CHCHD3: variants seen among roughly 807,000 people sequenced by gnomAD.
CHCHD3 encodes coiled-coil-helix-coiled-coil-helix domain containing 3.
A neutral mutation model predicts 38.2 loss-of-function variants in CHCHD3; 20 were observed. The observed-to-expected ratio is 0.52, with a 90% CI of 0.37 to 0.76. The LOEUF (loss-of-function observed/expected upper bound fraction) is 0.76, where lower values mean the gene tolerates loss of function less well. Among genes scored for constraint, CHCHD3 ranks in the 30% least tolerant of loss-of-function variants. The pLI is 0.00. For missense variants in CHCHD3, 245 were observed against 279.2 expected (o/e 0.88, Z 0.87); for synonymous variants, 82 against 100.0 (o/e 0.82, Z 1.07).
At chr7:132,898,024 T>C (rs1210161960) in intron 4 of CHCHD3, among the ~76,000 whole-genome samples, 3 of 152,056 alleles carry the variant, frequency 2.0e-5, no homozygotes, top group Non-Finnish European at 4.4e-5. Context: ...CGGTGAGTGT[T>C]ACAGCTCTTA....
intron 5 of CHCHD3, among the ~76,000 whole-genome samples, chr7:132,854,014 T>G (rs748887960): frequency 6.6e-6 from 1 of 152,220 alleles, no homozygotes; most frequent in Non-Finnish European, 1.5e-5. Flanking sequence ...TTACTTGCTT[T>G]CTTTCATTTC....
chr7:132,975,863 A>G (rs1811753160), intron 3 of CHCHD3, among the ~76,000 whole-genome samples: 2 of 151,114 alleles, frequency 1.3e-5, no homozygotes, highest in Non-Finnish European at 3.0e-5. Context: ...CCTGGGAGGT[A>G]GAGGACGCAG....
At chr7:132,932,590 C>T (rs555191864) in intron 4 of CHCHD3, among the ~76,000 whole-genome samples, 2 of 152,334 alleles carry the variant, frequency 1.3e-5, no homozygotes, top group East Asian at 3.9e-4. Flanking sequence ...AGTGAGGATT[C>T]ACAAGTTAAG....
At chr7:132,802,680 T>C (rs572009018) in intron 6 of CHCHD3, among the ~76,000 whole-genome samples, 1 of 152,152 alleles carries the variant, frequency 6.6e-6, no homozygotes, top group Non-Finnish European at 1.5e-5. Flanking sequence ...AAAAGGGAGA[T>C]AAAATTTTTA....
At chr7:133,027,012 A>C (rs1813359116) in intron 2 of CHCHD3, among the ~76,000 whole-genome samples, 1 of 151,048 alleles carries the variant, frequency 6.6e-6, no homozygotes, top group Non-Finnish European at 1.5e-5. Context: ...ATCTTGGCTC[A>C]CTGCAACCTC....
chr7:132,904,532 C>T (rs985565102), intron 4 of CHCHD3, among the ~76,000 whole-genome samples: 1 of 152,104 alleles, frequency 6.6e-6, no homozygotes, highest in African/African-American at 2.4e-5. Context: ...AAATCAATGC[C>T]ACAATGAGAT....
chr7:132,834,797 C>T (rs147336319), intron 6 of CHCHD3, among the ~76,000 whole-genome samples: 2 of 152,136 alleles, frequency 1.3e-5, no homozygotes, highest in East Asian at 3.9e-4. Flanking sequence ...CAGGAAAGCT[C>T]ACCTGAGCAG....
intron 5 of CHCHD3, among the ~76,000 whole-genome samples, chr7:132,877,323 C>T (rs1480997087): frequency 6.6e-6 from 1 of 152,090 alleles, no homozygotes; most frequent in Non-Finnish European, 1.5e-5. Context: ...GATAAGACCC[C>T]CATATCCTAC....
chr7:132,919,060 A>C (rs1810190831), intron 4 of CHCHD3, among the ~76,000 whole-genome samples: 1 of 146,002 alleles, frequency 6.8e-6, no homozygotes, highest in Non-Finnish European at 1.5e-5. Flanking sequence ...AATCATCATC[A>C]TCATTAATTT....
At chr7:133,039,667 C>T (rs1054842795) in intron 2 of CHCHD3, among the ~76,000 whole-genome samples, 1 of 152,230 alleles carries the variant, frequency 6.6e-6, no homozygotes, top group African/African-American at 2.4e-5. Flanking sequence ...AATTATAAAT[C>T]TCAAATAACA....
intron 4 of CHCHD3, among the ~76,000 whole-genome samples, chr7:132,959,205 C>T (rs921205940): frequency 1.3e-5 from 2 of 152,188 alleles, no homozygotes; most frequent in African/African-American, 2.4e-5. Context: ...AGCTCTAACT[C>T]CCAAATGAGG....
rs1810260048 is a variant in CHCHD3, at chr7:132,921,418, G to T, written c.370-35673C>A. Among the ~76,000 whole-genome samples, 3 of 152,080 alleles carry T rather than the reference G, an allele frequency of 2.0e-5. No individual in the cohort carries two copies. In the South Asian group the frequency reaches 6.2e-4, roughly 32 times the overall value. ...ATTCCAAGTACTGGGACAAGTTTCA[G>T]TATTCACCCCTTGAAACAGTTCTTT... On this transcript the variant is annotated intron_variant, in intron 4 of 7. Coordinates refer to ENST00000262570, the MANE Select transcript of CHCHD3 (RefSeq NM_017812.4).
chr7:132,792,004 T>C (rs1806473360), intron 7 of CHCHD3, among the ~76,000 whole-genome samples: 1 of 152,156 alleles, frequency 6.6e-6, no homozygotes, highest in Non-Finnish European at 1.5e-5. Flanking sequence ...GTGGCTACTG[T>C]CCCACTGCCT....
At chr7:133,027,387 AAGAG>A (rs1562941608) in intron 2 of CHCHD3, among the ~76,000 whole-genome samples, 4 of 59,366 alleles carry the variant, frequency 6.7e-5, no homozygotes, top group East Asian at 1.4e-3. Context: ...GAGAGAGAGA[AAGAG>A]AGAGAGAGGG....
chr7:132,990,751 G>A (rs1812256367), intron 3 of CHCHD3, among the ~76,000 whole-genome samples: 1 of 152,090 alleles, frequency 6.6e-6, no homozygotes, highest in African/African-American at 2.4e-5. Flanking sequence ...GAAACCTTAG[G>A]CCAGACAAAG....
At chr7:132,873,710 T>C (rs970765331) in intron 5 of CHCHD3, among the ~76,000 whole-genome samples, 1 of 152,120 alleles carries the variant, frequency 6.6e-6, no homozygotes, top group African/African-American at 2.4e-5. Flanking sequence ...GGATAATATA[T>C]GAAGTTGGGC....
At chr7:132,976,766 CTA>C (rs1811778105) in intron 3 of CHCHD3, among the ~76,000 whole-genome samples, 1 of 151,854 alleles carries the variant, frequency 6.6e-6, no homozygotes, top group Non-Finnish European at 1.5e-5. Flanking sequence ...TTGAAAAAAA[CTA>C]GAGATAAAAT....
At chr7:132,840,274 G>GT (rs1265874256) in intron 5 of CHCHD3, among the ~76,000 whole-genome samples, 3 of 152,128 alleles carry the variant, frequency 2.0e-5, no homozygotes, top group Non-Finnish European at 4.4e-5. Context: ...AACAAAGAAT[G>GT]TAGCAAAAAG....
At chr7:132,847,395 T>C (rs1054992895) in intron 5 of CHCHD3, 1 of 152,192 alleles carries the variant, frequency 6.6e-6, no homozygotes, top group Non-Finnish European at 1.5e-5. Context: ...AGTGGTTGAT[T>C]TTAGATGCAA....
Sources: allele counts gnomAD v4.1 joint callset (sites outside exome capture counted in the v4.1 genomes callset), GRCh38; gene constraint gnomAD v4.1.1; transcripts MANE v1.5; gene names NCBI Gene and HGNC (gene_info 2026-07-23, HGNC 2026-07-21).